The following KCNMA1 variants were observed in gnomAD, a reference collection of about 807,000 sequenced individuals.
KCNMA1 encodes potassium calcium-activated channel subfamily M alpha 1, also known as Calcium-activated potassium channel subunit alpha-1.
In KCNMA1, 29 loss-of-function variants were observed where a neutral mutation model predicts 140.0. The observed-to-expected ratio is 0.21, with a 90% CI of 0.15 to 0.28. KCNMA1 has a LOEUF of 0.28. KCNMA1 is among the 10% of genes least tolerant of loss of function. KCNMA1 has a pLI of 1.00. For synonymous variants in KCNMA1, 612 were observed against 611.9 expected, an observed-to-expected ratio of 1.00 and a Z score of 0.00; for missense variants, 880 against 1,602.2, an observed-to-expected ratio of 0.55 and a Z score of 7.70.
intron 5 of KCNMA1, among the ~76,000 whole-genome samples, chr10:77,171,974 C>T (rs867792676): frequency 6.6e-6 from 1 of 152,132 alleles, no homozygotes; most frequent in Non-Finnish European, 1.5e-5. Context: ...CTTATAGAGG[C>T]AAGATCTATG....
chr10:76,914,958 G>C lies in KCNMA1; in HGVS notation c.2994C>G (p.Asn998Lys). Residue 998 changes from asparagine to lysine, a missense_variant, in exon 24 of 28, where the codon AAC becomes AAG. Physicochemically the swap from Asn to Lys is moderately conservative, Grantham distance 94 (BLOSUM62 0). Transcript: ENST00000286628. ...LRQPSITTGV[N>K]IPIITELVND... ...TACCTAGTTCAGTGATGATGGGGAT[G>C]TTGACCCCAGTTGTGATGGATGGTT... The C allele has an allele frequency of 6.2e-7, 1 of 1,612,712 alleles. No individual in the cohort carries two copies. Among genetic ancestry groups the C allele is most frequent in the Non-Finnish European group, 8.5e-7 (1 of 1,178,796 alleles).
chr10:77,211,119 CAACAAA>C (rs1156795098), intron 3 of KCNMA1, among the ~76,000 whole-genome samples: 6 of 151,874 alleles, frequency 4.0e-5, no homozygotes, highest in Non-Finnish European at 7.4e-5. Context: ...CAATTCTAAA[CAACAAA>C]AACAAAAACA....
chr10:77,186,302 C>A (rs1250019272), intron 3 of KCNMA1, among the ~76,000 whole-genome samples: 1 of 147,520 alleles, frequency 6.8e-6, no homozygotes, highest in African/African-American at 2.4e-5. Flanking sequence ...TTAAGAGTAA[C>A]CTTTATTTGC....
intron 9 of KCNMA1, among the ~76,000 whole-genome samples, chr10:77,097,232 G>T (rs1471724356): frequency 6.6e-6 from 1 of 152,084 alleles, no homozygotes; most frequent in Admixed American, 6.6e-5. Context: ...TTCCCTTGAG[G>T]CTCAATCCCC....
rs145107650 is a variant in KCNMA1, at chr10:77,562,572, T to C, written c.378+74693A>G. 2.4e-3 allele frequency among the ~76,000 whole-genome samples: 361 copies of C among 152,358 alleles called. 8 individuals carry two copies. In the South Asian group the frequency reaches 0.025, roughly 11 times the overall value. On this transcript the variant is annotated intron_variant, in intron 1 of 27. Coordinates refer to ENST00000286628, the MANE Select transcript of KCNMA1 (RefSeq NM_001161352.2). The stretch of plus-strand genomic sequence containing the variant: ...AAGTACTGTCCAGATCTTTTTTTAA[T>C]GAAAATGTAAAGGTGGCCCCAGCCT...
At chr10:77,249,883 C>T (rs2154250273) in intron 3 of KCNMA1, 1 of 152,274 alleles carries the variant, frequency 6.6e-6, no homozygotes, top group South Asian at 2.1e-4. Context: ...AATCTTGTCT[C>T]CTGACAGCGT....
intron 3 of KCNMA1, among the ~76,000 whole-genome samples, chr10:77,244,711 C>T (rs556292830): frequency 1.6e-4 from 25 of 152,244 alleles, no homozygotes; most frequent in African/African-American, 5.5e-4. Context: ...GAACAAATGG[C>T]AATATGGAAG....
intron 2 of KCNMA1, among the ~76,000 whole-genome samples, chr10:77,391,054 T>C (rs2095802261): frequency 6.6e-6 from 1 of 152,214 alleles, no homozygotes; most frequent in Non-Finnish European, 1.5e-5. Flanking sequence ...AAATTCAGCC[T>C]GTTTGCTAAA....
At chr10:77,406,960 G>GA (rs898149871) in intron 1 of KCNMA1, among the ~76,000 whole-genome samples, 5 of 152,158 alleles carry the variant, frequency 3.3e-5, no homozygotes, top group Admixed American at 6.5e-5. Context: ...AGGCAGGGGG[G>GA]CCCTCCAGTC....
chr10:76,940,176 T>G (rs2061592714), intron 23 of KCNMA1, among the ~76,000 whole-genome samples: 1 of 152,228 alleles, frequency 6.6e-6, no homozygotes, highest in Non-Finnish European at 1.5e-5. Context: ...ACCATCTGGC[T>G]TGGGATATGC....
At chr10:77,609,026 A>G (rs1007314475) in intron 1 of KCNMA1, among the ~76,000 whole-genome samples, 2 of 152,196 alleles carry the variant, frequency 1.3e-5, no homozygotes, top group African/African-American at 4.8e-5. Flanking sequence ...ATTATGGAAA[A>G]CAGTATGGAG....
chr10:77,405,188 G>A (rs1159414379), intron 1 of KCNMA1, among the ~76,000 whole-genome samples: 1 of 152,124 alleles, frequency 6.6e-6, no homozygotes, highest in Non-Finnish European at 1.5e-5. Flanking sequence ...GCTCCCTTAA[G>A]TCTTTGCTCA....
intron 5 of KCNMA1, among the ~76,000 whole-genome samples, chr10:77,173,573 G>C (rs1016707876): frequency 6.6e-6 from 1 of 152,084 alleles, no homozygotes; most frequent in African/African-American, 2.4e-5. Context: ...AGTTATGGAA[G>C]CACTTTTCTT....
At position 77,405,613 on chromosome 10, in the gene KCNMA1, A is replaced by G. The variant is rs1490868454; in HGVS notation, c.379-1590T>C. Among the ~76,000 whole-genome samples, 4 of 152,224 alleles carry G rather than the reference A, an allele frequency of 2.6e-5. No homozygotes were observed. In the East Asian group the frequency reaches 7.7e-4, roughly 29 times the overall value. ...CTAAAACCTTATTATTTATCTAACAATGTACATTTAACTGGACCCCAACAC... is the reference window on the plus strand; with the variant it reads ...CTAAAACCTTATTATTTATCTAACAGTGTACATTTAACTGGACCCCAACAC... On this transcript the variant is annotated intron_variant, in intron 1 of 27. Coordinates refer to ENST00000286628, the MANE Select transcript of KCNMA1 (RefSeq NM_001161352.2).
At chr10:77,079,793 G>C (rs1024315038) in intron 12 of KCNMA1, 2 of 560,636 alleles carry the variant, frequency 3.6e-6, no homozygotes, top group African/African-American at 3.8e-5. Context: ...CATTGCCATG[G>C]CAACACCCAG....
intron 11 of KCNMA1, among the ~76,000 whole-genome samples, chr10:77,085,450 A>G (rs1255027823): frequency 6.6e-6 from 1 of 152,226 alleles, no homozygotes; most frequent in Non-Finnish European, 1.5e-5. Flanking sequence ...ACGAACAATA[A>G]CAATTGTCCC....
At chr10:77,514,616 T>C (rs1338202851) in intron 1 of KCNMA1, among the ~76,000 whole-genome samples, 1 of 152,134 alleles carries the variant, frequency 6.6e-6, no homozygotes. Context: ...TATTACTGGG[T>C]ATGCGGAGAG....
chr10:77,226,468 G>T (rs1421466756), intron 3 of KCNMA1, among the ~76,000 whole-genome samples: 1 of 151,792 alleles, frequency 6.6e-6, no homozygotes, highest in Non-Finnish European at 1.5e-5. Context: ...GAGCCATCCT[G>T]GTTTGAGATC....
At chr10:77,168,217 C>T (rs2098665126) in intron 5 of KCNMA1, among the ~76,000 whole-genome samples, 1 of 152,180 alleles carries the variant, frequency 6.6e-6, no homozygotes, top group Admixed American at 6.5e-5. Flanking sequence ...TGAAGTCATA[C>T]AGCAAGTAAG....
Sources: gnomAD v4.1 joint callset for allele counts (sites outside exome capture counted in the v4.1 genomes callset) on GRCh38, gnomAD v4.1.1 for gene constraint, MANE v1.5 for transcripts, NCBI Gene and HGNC (gene_info 2026-07-23, HGNC 2026-07-21) for gene names.